Variants in TMTC1 observed in about 807,000 individuals in gnomAD.
TMTC1 encodes transmembrane O-mannosyltransferase targeting cadherins 1.
A neutral mutation model predicts 104.8 loss-of-function variants in TMTC1; 73 were observed. The observed-to-expected ratio is 0.70, with a 90% CI of 0.58 to 0.85. The LOEUF is 0.85. Ranked by LOEUF, TMTC1 falls within the 40% of genes least tolerant of loss-of-function variation. TMTC1 has a pLI of 0.00. For missense variants in TMTC1, 1,035 were observed against 1,096.1 expected (o/e 0.94, Z 0.79); for synonymous variants, 434 against 428.7 (o/e 1.01, Z -0.15).
intron 5 of TMTC1, among the ~76,000 whole-genome samples, chr12:29,684,895 T>TCA (rs781026658): frequency 4.9e-4 from 75 of 152,298 alleles, no homozygotes; most frequent in Non-Finnish European, 9.3e-4. Context: ...ACTCAATAGT[T>TCA]AAGTTGAAAA....
intron 9 of TMTC1, among the ~76,000 whole-genome samples, chr12:29,567,863 TATTA>T (rs1411513904): frequency 6.6e-6 from 1 of 152,204 alleles, no homozygotes; most frequent in Non-Finnish European, 1.5e-5. Context: ...TAAACAGCAT[TATTA>T]AAAGGAATTA....
intron 1 of TMTC1, 149 bp from the exon 2 acceptor site, chr12:29,768,224 C>T (rs1403520042): frequency 6.5e-5 from 44 of 672,236 alleles, no homozygotes; most frequent in Non-Finnish European, 2.2e-5. Flanking sequence ...ATTTTTTAGC[C>T]TTGGGTATGT....
chr12:29,604,911 T>C lies in TMTC1; in HGVS notation c.1129-612A>G, dbSNP rs117754353. ...ATTGATTTTTTGAATAAAAAATCGT[T>C]ATAATAATTCATTAAATTGACAAAG... On this transcript the variant is annotated intron_variant, in intron 6 of 17. Transcript: ENST00000539277. Among the ~76,000 whole-genome samples, 1,181 of 152,326 alleles carry C rather than the reference T, an allele frequency of 7.8e-3. 6 individuals are homozygous for C. Among genetic ancestry groups the C allele is most frequent in the Non-Finnish European group, 0.012 (836 of 68,030 alleles).
intron 17 of TMTC1, among the ~76,000 whole-genome samples, chr12:29,508,561 A>C (rs577570259): frequency 6.6e-6 from 1 of 152,000 alleles, no homozygotes; most frequent in Admixed American, 6.6e-5. Flanking sequence ...TCTCTCCCTC[A>C]AATTGCCCTT....
chr12:29,683,079 T>C (rs1940974698), intron 5 of TMTC1, among the ~76,000 whole-genome samples: 1 of 152,210 alleles, frequency 6.6e-6, no homozygotes, highest in African/African-American at 2.4e-5. Flanking sequence ...AAAGCCTGTG[T>C]CTTTTCCCTT....
intron 8 of TMTC1, among the ~76,000 whole-genome samples, chr12:29,582,656 C>T (rs11829731): frequency 0.18 from 27,868 of 152,096 alleles, 3,864 homozygotes; most frequent in African/African-American, 0.39. Context: ...TTTCCCCTTT[C>T]CTTAAGTGAT....
In TMTC1 at chr12:29,693,369, T is replaced by C. The variant is rs894736700; in HGVS notation, c.938+58297A>G. 7.6e-5 allele frequency among the ~76,000 whole-genome samples: 11 copies of C among 144,542 alleles called. 1 individual carries two copies. Among genetic ancestry groups the C allele is most frequent in the African/African-American group, 2.8e-4 (11 of 39,474 alleles). 94.8% of individuals were successfully genotyped at this position (144,542 alleles called of 152,430 possible). On this transcript the variant is annotated intron_variant, in intron 5 of 17. Coordinates refer to ENST00000539277, the MANE Select transcript of TMTC1 (RefSeq NM_001193451.2). ...ACATTTATCTTTTCTTTGTGTTGGG[T>C]AGATTGAAAATCCTCTCTTCTAGCT...
At chr12:29,573,617 G>A (rs1945741226) in intron 8 of TMTC1, among the ~76,000 whole-genome samples, 2 of 152,192 alleles carry the variant, frequency 1.3e-5, no homozygotes, top group African/African-American at 2.4e-5. Context: ...GCTTCCAGAA[G>A]GCAGTGAAGG....
intron 5 of TMTC1, among the ~76,000 whole-genome samples, chr12:29,701,482 C>A (rs1367178957): frequency 6.6e-6 from 1 of 152,170 alleles, no homozygotes; most frequent in Non-Finnish European, 1.5e-5. Context: ...GAACTCCATG[C>A]ACTGCAGTCT....
At chr12:29,600,288 T>A (rs1946530812) in intron 7 of TMTC1, among the ~76,000 whole-genome samples, 1 of 152,078 alleles carries the variant, frequency 6.6e-6, no homozygotes, top group African/African-American at 2.4e-5. Context: ...TTAGCTCAAC[T>A]GTTTGCTATT....
chr12:29,763,151 T>C (rs575273670), intron 2 of TMTC1, among the ~76,000 whole-genome samples: 1 of 152,348 alleles, frequency 6.6e-6, no homozygotes, highest in African/African-American at 2.4e-5. Flanking sequence ...GCTTCTTGCA[T>C]TGCAGCCAGT....
At chr12:29,716,144 C>G (rs1942074829) in intron 5 of TMTC1, among the ~76,000 whole-genome samples, 1 of 151,932 alleles carries the variant, frequency 6.6e-6, no homozygotes, top group Non-Finnish European at 1.5e-5. Context: ...TTAGCCTCCC[C>G]AGTAGCTAAG....
At chr12:29,567,954 C>T (rs1455723256) in intron 9 of TMTC1, among the ~76,000 whole-genome samples, 1 of 151,714 alleles carries the variant, frequency 6.6e-6, no homozygotes, top group African/African-American at 2.4e-5. Context: ...TTTCTTTAGA[C>T]TCTAATGATA....
chr12:29,728,320 C>T (rs879528427), intron 5 of TMTC1, among the ~76,000 whole-genome samples: 4 of 152,010 alleles, frequency 2.6e-5, no homozygotes, highest in Non-Finnish European at 4.4e-5. Flanking sequence ...GAATTCAGAA[C>T]GTGGGGAGGA....
intron 5 of TMTC1, among the ~76,000 whole-genome samples, chr12:29,751,417 C>T (rs1481063997): frequency 2.0e-5 from 3 of 152,088 alleles, no homozygotes; most frequent in Non-Finnish European, 2.9e-5. Flanking sequence ...CTGCAGGGAC[C>T]CACACCCCAT....
chr12:29,674,648 G>A (rs544471638), intron 5 of TMTC1, among the ~76,000 whole-genome samples: 71 of 152,306 alleles, frequency 4.7e-4, no homozygotes, highest in Non-Finnish European at 8.5e-4. Context: ...GCCAGCTCAG[G>A]AGGAGGGAGG....
intron 10 of TMTC1, among the ~76,000 whole-genome samples, chr12:29,552,827 T>C (rs1470606663): frequency 3.3e-5 from 5 of 152,224 alleles, no homozygotes; most frequent in African/African-American, 1.2e-4. Context: ...GTTAACTCAA[T>C]GGAGAAATCA....
At position 29,664,080 on chromosome 12, in the gene TMTC1, G is replaced by C. The variant is rs1295215237; in HGVS notation, c.939-30744C>G. 3.3e-5 allele frequency among the ~76,000 whole-genome samples: 5 copies of C among 150,160 alleles called. 1 individual carries two copies. The highest frequency in any genetic ancestry group is 4.9e-5 in the African/African-American group (2 of 41,196). On this transcript the variant is annotated intron_variant, in intron 5 of 17. Transcript: ENST00000539277. ...CGGGCGCCTGTAGTCCCAGCTACTT[G>C]GGAGGCTGAGGAAGGAGAATGGCGT...
At chr12:29,591,096 T>C (rs752821336) in intron 7 of TMTC1, among the ~76,000 whole-genome samples, 32 of 152,184 alleles carry the variant, frequency 2.1e-4, no homozygotes, top group Non-Finnish European at 4.3e-4. Context: ...TTTAAAGAAA[T>C]GTTAAGCCAT....
Sources: allele counts gnomAD v4.1 joint callset (sites outside exome capture counted in the v4.1 genomes callset), GRCh38; gene constraint gnomAD v4.1.1; transcripts MANE v1.5; gene names NCBI Gene and HGNC (gene_info 2026-07-23, HGNC 2026-07-21).